Variants in TSPAN5 observed in about 807,000 individuals in gnomAD.
The protein encoded by TSPAN5 is tetraspanin 5.
Under a neutral mutation model 37.1 loss-of-function variants are expected in TSPAN5, and 10 were observed. That is an observed-to-expected ratio of 0.27 (90% CI 0.17 to 0.46). The LOEUF (loss-of-function observed/expected upper bound fraction) is 0.46, where lower values mean the gene tolerates loss of function less well. Ranked by LOEUF, TSPAN5 falls within the 20% of genes least tolerant of loss-of-function variation. The pLI, the probability that TSPAN5 is intolerant of heterozygous loss-of-function variation, is 1.00. For synonymous variants in TSPAN5, 110 were observed against 118.9 expected (o/e 0.93, Z 0.48); for missense variants, 195 against 326.6 (o/e 0.60, Z 3.11).
rs1229122656 is a variant in TSPAN5, at chr4:98,572,273, A to AG, written c.82-64546dup. Among the ~76,000 whole-genome samples the AG allele has an allele frequency of 6.6e-5, 10 of 152,182 alleles. No individual in the cohort carries two copies. In the South Asian group the frequency reaches 8.3e-4, roughly 13 times the overall value. ...GCCATGAGCCACCACACTGGGGCAG[A>AG]GGGACATTAAGACCGTAAGCATAGG... is the stretch of plus-strand genomic sequence containing the variant. On this transcript the variant is annotated intron_variant, in intron 1 of 7. Transcript: ENST00000305798.
At position 98,594,136 on chromosome 4, in the gene TSPAN5, C is replaced by T. The variant is rs1755710924; in HGVS notation, c.81+64010G>A. 1.7e-5 allele frequency among the ~76,000 whole-genome samples: 2 copies of T among 117,496 alleles called. 1 individual carries two copies. Among genetic ancestry groups the T allele is most frequent in the Non-Finnish European group, 3.3e-5 (2 of 59,992 alleles). The allele number at this position is 117,496 out of a possible 152,430, so 77.1% of individuals were successfully genotyped here. A position where few individuals can be genotyped will look rare whatever the true frequency, so the allele number is the denominator to read the frequency against. On this transcript the variant is annotated intron_variant, in intron 1 of 7. Transcript: ENST00000305798. ...TCCTTGAGCAGTGGTTTGTAGTTCT[C>T]CTTGAAGAGGTCCTTCACATCCCTT...
chr4:98,635,049 C>T (rs1354912148), intron 1 of TSPAN5, among the ~76,000 whole-genome samples: 1 of 152,216 alleles, frequency 6.6e-6, no homozygotes, highest in African/African-American at 2.4e-5. Flanking sequence ...TTATAACAGG[C>T]ACTTTCCATT....
chr4:98,543,877 T>C (rs958153022), intron 1 of TSPAN5, among the ~76,000 whole-genome samples: 5 of 152,112 alleles, frequency 3.3e-5, no homozygotes, highest in African/African-American at 1.2e-4. Context: ...GATCACAATA[T>C]TGGGCTTAAA....
At chr4:98,616,618 T>C (rs1756344471) in intron 1 of TSPAN5, among the ~76,000 whole-genome samples, 1 of 152,138 alleles carries the variant, frequency 6.6e-6, no homozygotes, top group Non-Finnish European at 1.5e-5. Context: ...TGAAACATTT[T>C]TGGGCCTCAA....
At position 98,587,283 on chromosome 4, in the gene TSPAN5, C is replaced by T. The variant is rs542463538; in HGVS notation, c.81+70863G>A. Reference sequence around the variant, plus strand: ...CCAATTAGAAAGCCCAGCTTCCACACGCAGGCTGAGGCTTCCACAGCTTAA... The same window carrying T: ...CCAATTAGAAAGCCCAGCTTCCACATGCAGGCTGAGGCTTCCACAGCTTAA... On this transcript the variant is annotated intron_variant, in intron 1 of 7. Transcript: ENST00000305798. Among the ~76,000 whole-genome samples the T allele has an allele frequency of 2.2e-4, 33 of 152,352 alleles. No individual in the cohort carries two copies. The South Asian group carries it at 6.0e-3, about 28-fold the overall frequency.
At chr4:98,560,774 T>C (rs2110168221) in intron 1 of TSPAN5, among the ~76,000 whole-genome samples, 1 of 152,300 alleles carries the variant, frequency 6.6e-6, no homozygotes, top group Middle Eastern at 3.4e-3. Flanking sequence ...TGACAGGGGC[T>C]CTAAAGTAAA....
chr4:98,561,231 C>T (rs926231862), intron 1 of TSPAN5, among the ~76,000 whole-genome samples: 1 of 152,212 alleles, frequency 6.6e-6, no homozygotes, highest in African/African-American at 2.4e-5. Flanking sequence ...AGAGCCATAA[C>T]GTGGAAAGGG....
At chr4:98,543,801 T>C (rs916057193) in intron 1 of TSPAN5, among the ~76,000 whole-genome samples, 1 of 152,102 alleles carries the variant, frequency 6.6e-6, no homozygotes, top group Non-Finnish European at 1.5e-5. Context: ...CCTGAATCCA[T>C]ACCTTTTTCT....
At chr4:98,621,975 C>T (rs2110249656) in intron 1 of TSPAN5, among the ~76,000 whole-genome samples, 1 of 152,268 alleles carries the variant, frequency 6.6e-6, no homozygotes, top group East Asian at 1.9e-4. Flanking sequence ...CCTTTCTATA[C>T]CATTGTATGG....
At chr4:98,631,147 A>G (rs1756736671) in intron 1 of TSPAN5, among the ~76,000 whole-genome samples, 1 of 152,182 alleles carries the variant, frequency 6.6e-6, no homozygotes, top group Admixed American at 6.5e-5. Flanking sequence ...ACAATTAGAG[A>G]AACCTTGCAA....
At chr4:98,487,585 C>T (rs1297635225) in intron 2 of TSPAN5, among the ~76,000 whole-genome samples, 7 of 151,922 alleles carry the variant, frequency 4.6e-5, no homozygotes, top group African/African-American at 7.3e-5. Flanking sequence ...AAGAAAATAT[C>T]GTACCTCAGG....
intron 1 of TSPAN5, among the ~76,000 whole-genome samples, chr4:98,630,582 C>G (rs1003522690): frequency 6.6e-6 from 1 of 152,148 alleles, no homozygotes; most frequent in Non-Finnish European, 1.5e-5. Context: ...TTCTCTCAAC[C>G]CGGGAGACTG....
Position 98,613,870 on chromosome 4 carries a change from C to A in TSPAN5, c.81+44276G>T, listed in dbSNP as rs182044482. ...TTTTTCATTTCAAAGATTCCCCCCC[C>A]AAAATGACTCACGCTGCATTTTGAC... On this transcript the variant is annotated intron_variant, in intron 1 of 7. Coordinates refer to ENST00000305798, the MANE Select transcript of TSPAN5 (RefSeq NM_005723.4). Among the ~76,000 whole-genome samples the A allele has an allele frequency of 6.3e-3, 952 of 152,186 alleles. 8 individuals carry two copies. Among genetic ancestry groups the A allele is most frequent in the African/African-American group, 0.02 (848 of 41,490 alleles).
intron 1 of TSPAN5, among the ~76,000 whole-genome samples, chr4:98,580,593 G>A (rs2110194228): frequency 6.6e-6 from 1 of 152,266 alleles, no homozygotes. Context: ...CCAAGATGAT[G>A]GCCTTGAAGT....
chr4:98,576,187 A>T (rs1027044951), intron 1 of TSPAN5, among the ~76,000 whole-genome samples: 1 of 152,020 alleles, frequency 6.6e-6, no homozygotes, highest in Non-Finnish European at 1.5e-5. Flanking sequence ...AAAAAAAATC[A>T]AACAGTATTA....
chr4:98,537,606 G>A (rs1754265051), intron 1 of TSPAN5, among the ~76,000 whole-genome samples: 1 of 152,176 alleles, frequency 6.6e-6, no homozygotes, highest in African/African-American at 2.4e-5. Flanking sequence ...ATGAGCTTAG[G>A]TAATTCACTG....
intron 1 of TSPAN5, among the ~76,000 whole-genome samples, chr4:98,571,655 G>A (rs539458020): frequency 2.6e-5 from 4 of 152,200 alleles, no homozygotes; most frequent in Admixed American, 6.5e-5. Context: ...CTACCCATAC[G>A]GTGGAAGGTT....
intron 1 of TSPAN5, among the ~76,000 whole-genome samples, chr4:98,532,873 C>T (rs1754128605): frequency 1.3e-5 from 2 of 152,206 alleles, no homozygotes; most frequent in Admixed American, 1.3e-4. Flanking sequence ...CCATTGATAC[C>T]TAGTTTATTG....
intron 1 of TSPAN5, among the ~76,000 whole-genome samples, chr4:98,621,973 T>C: frequency 6.6e-6 from 1 of 152,214 alleles, no homozygotes; most frequent in East Asian, 1.9e-4. Context: ...TTCCTTTCTA[T>C]ACCATTGTAT....
Sources: gnomAD v4.1 joint callset for allele counts (sites outside exome capture counted in the v4.1 genomes callset) on GRCh38, gnomAD v4.1.1 for gene constraint, MANE v1.5 for transcripts, NCBI Gene and HGNC (gene_info 2026-07-23, HGNC 2026-07-21) for gene names.